The following CRB1 variants were observed in gnomAD, a reference collection of about 807,000 sequenced individuals.
The protein encoded by CRB1 is crumbs cell polarity complex component 1.
Under a neutral mutation model 120.0 loss-of-function variants are expected in CRB1, and 83 were observed. That is an observed-to-expected ratio of 0.69 (90% CI 0.58 to 0.83). The LOEUF (loss-of-function observed/expected upper bound fraction) is 0.83, where lower values mean the gene tolerates loss of function less well. Ranked by LOEUF, CRB1 falls within the 40% of genes least tolerant of loss-of-function variation. The probability of loss-of-function intolerance (pLI) is 0.00; values close to 1 mark genes in which losing one functional copy is unlikely to be tolerated. For missense variants in CRB1, 1,699 were observed against 1,687.6 expected (o/e 1.01, Z -0.12); for synonymous variants, 625 against 612.5 (o/e 1.02, Z -0.30).
intron 1 of CRB1, among the ~76,000 whole-genome samples, chr1:197,293,161 C>T (rs1268468842): frequency 2.6e-5 from 4 of 152,088 alleles, no homozygotes. Context: ...ATTTAGAAAA[C>T]CCCATCGTCT....
intron 11 of CRB1, among the ~76,000 whole-genome samples, chr1:197,467,771 C>G (rs75166765): frequency 6.6e-5 from 10 of 152,044 alleles, no homozygotes; most frequent in Non-Finnish European, 4.4e-5. Context: ...AGTTAGTAGA[C>G]GACCCAGCAG....
At chr1:197,232,509 A>T in the CRB1 span, among the ~76,000 whole-genome samples, 1 of 152,280 alleles carries the variant, frequency 6.6e-6, no homozygotes, top group East Asian at 1.9e-4. Context: ...TGACCAGAAC[A>T]TGGTGTCCTT....
the CRB1 span, among the ~76,000 whole-genome samples, chr1:197,240,323 C>A: frequency 6.6e-6 from 1 of 152,208 alleles, no homozygotes; most frequent in South Asian, 2.1e-4. Flanking sequence ...CACCCATCAA[C>A]CCGTCATCTA....
chr1:197,368,674 A>G (rs1661208358), intron 5 of CRB1, among the ~76,000 whole-genome samples: 1 of 152,218 alleles, frequency 6.6e-6, no homozygotes, highest in South Asian at 2.1e-4. Context: ...CTATGGCATC[A>G]AGGGCCTTGG....
At chr1:197,461,243 G>A (rs1438045743) in intron 11 of CRB1, among the ~76,000 whole-genome samples, 1 of 152,092 alleles carries the variant, frequency 6.6e-6, no homozygotes, top group Non-Finnish European at 1.5e-5. Flanking sequence ...ACATTGTGAG[G>A]TGAGCTGAAG....
chr1:197,427,354 T>G, intron 6 of CRB1, 100 bp from the exon 7 acceptor site: 2 of 877,950 alleles, frequency 2.3e-6, no homozygotes, highest in East Asian at 4.9e-5. Context: ...TGTGCATGTG[T>G]GTGTGTGAAA....
At chr1:197,206,328 CT>C in the CRB1 span, among the ~76,000 whole-genome samples, 45 of 132,388 alleles carry the variant, frequency 3.4e-4, no homozygotes, top group South Asian at 7.1e-4. Flanking sequence ...TCTTTAGTTC[CT>C]TGAGATGTGA....
intron 5 of CRB1, among the ~76,000 whole-genome samples, chr1:197,420,549 G>A (rs1278874837): frequency 1.3e-5 from 2 of 152,118 alleles, no homozygotes; most frequent in African/African-American, 2.4e-5. Context: ...GTATAAACAA[G>A]ATATAAGGCA....
intron 5 of CRB1, among the ~76,000 whole-genome samples, chr1:197,368,354 T>A (rs1264679642): frequency 2.6e-5 from 4 of 152,208 alleles, no homozygotes; most frequent in Non-Finnish European, 5.9e-5. Context: ...CTTTTCAAGA[T>A]TCATCTGATT....
chr1:197,355,606 G>T (rs987534623), intron 4 of CRB1, among the ~76,000 whole-genome samples: 2 of 152,190 alleles, frequency 1.3e-5, no homozygotes, highest in Admixed American at 1.3e-4. Context: ...ACTGCTGGGG[G>T]CTCCTGCGTA....
chr1:197,347,920 A>T (rs1286433766), intron 4 of CRB1, among the ~76,000 whole-genome samples: 2 of 151,934 alleles, frequency 1.3e-5, no homozygotes, highest in Non-Finnish European at 2.9e-5. Flanking sequence ...AATTATCTAT[A>T]AACCATAATT....
intron 5 of CRB1, among the ~76,000 whole-genome samples, chr1:197,415,930 C>T (rs1464027328): frequency 6.6e-6 from 1 of 152,160 alleles, no homozygotes; most frequent in Non-Finnish European, 1.5e-5. Flanking sequence ...GCATGAGCCA[C>T]TGCGTCCGCC....
rs377666866 is a variant in CRB1 at position 197,354,640 on chromosome 1, GCAGAC to G, written c.989-2189_989-2185del. Among the ~76,000 whole-genome samples the G allele has an allele frequency of 7.2e-4, 109 of 152,186 alleles. 1 individual carries two copies. Among genetic ancestry groups the G allele is most frequent in the African/African-American group, 2.3e-3 (95 of 41,500 alleles). ...TCTTGTTGGTCTCAGGAGTGAAGCTGCAGACCTTCATGGTGAGTGCTACAGCTCAT... is the reference window on the plus strand; with the variant it reads ...TCTTGTTGGTCTCAGGAGTGAAGCTGCTTCATGGTGAGTGCTACAGCTCAT... On this transcript the variant is annotated intron_variant, in intron 4 of 11. Transcript: ENST00000367400.
chr1:197,389,732 A>G (rs570336574), intron 5 of CRB1, among the ~76,000 whole-genome samples: 2 of 152,160 alleles, frequency 1.3e-5, no homozygotes, highest in South Asian at 4.2e-4. Context: ...GGATAGGGCT[A>G]TTGGTTTCAG....
intron 5 of CRB1, among the ~76,000 whole-genome samples, chr1:197,401,926 CT>C (rs1222801465): frequency 6.6e-6 from 1 of 151,518 alleles, no homozygotes; most frequent in Non-Finnish European, 1.5e-5. Flanking sequence ...TTATTTGTAT[CT>C]TTTAAATTTG....
At chr1:197,398,321 T>A (rs542113227) in intron 5 of CRB1, among the ~76,000 whole-genome samples, 137 of 152,326 alleles carry the variant, frequency 9.0e-4, no homozygotes, top group Non-Finnish European at 1.5e-3. Flanking sequence ...TTCTATTTAC[T>A]TATGACTCGT....
At chr1:197,206,048 T>C in the CRB1 span, among the ~76,000 whole-genome samples, 1 of 152,106 alleles carries the variant, frequency 6.6e-6, no homozygotes, top group East Asian at 1.9e-4. Flanking sequence ...CACATAAAGA[T>C]GTACACAGTA....
the CRB1 span, among the ~76,000 whole-genome samples, chr1:197,230,505 A>G: frequency 6.6e-6 from 1 of 152,248 alleles, no homozygotes; most frequent in Non-Finnish European, 1.5e-5. Flanking sequence ...TAAGATGGAT[A>G]TGACAACTCA....
At chr1:197,340,236 A>G (rs767578008) in intron 2 of CRB1, among the ~76,000 whole-genome samples, 3 of 152,112 alleles carry the variant, frequency 2.0e-5, no homozygotes, top group Non-Finnish European at 2.9e-5. Context: ...AACTAACTGG[A>G]GCTAGCCTGG....
Sources: gnomAD v4.1 joint callset for allele counts (sites outside exome capture counted in the v4.1 genomes callset) on GRCh38, gnomAD v4.1.1 for gene constraint, MANE v1.5 for transcripts, NCBI Gene and HGNC (gene_info 2026-07-23, HGNC 2026-07-21) for gene names.